RPAP2: variants seen among roughly 807,000 people sequenced by gnomAD.
RPAP2 encodes putative RNA polymerase II subunit B1 CTD phosphatase RPAP2.
RPAP2 carries 52 observed loss-of-function variants against 73.1 expected under a neutral mutation model. The observed-to-expected ratio is 0.71, with a 90% CI of 0.57 to 0.90. RPAP2 has a LOEUF of 0.90. Ranked by LOEUF, RPAP2 falls within the 40% of genes least tolerant of loss-of-function variation. The pLI, the probability that RPAP2 is intolerant of heterozygous loss-of-function variation, is 0.00. For missense variants in RPAP2, 598 were observed against 701.8 expected (o/e 0.85, Z 1.67); for synonymous variants, 225 against 242.1 (o/e 0.93, Z 0.65).
chr1:92,346,184 G>A (rs1457166326), intron 11 of RPAP2, among the ~76,000 whole-genome samples: 1 of 145,038 alleles, frequency 6.9e-6, no homozygotes, highest in Non-Finnish European at 1.5e-5. Flanking sequence ...TTTTTTTTGA[G>A]ACAGGGTCTC....
At chr1:92,360,293 G>A (rs7512045) in intron 11 of RPAP2, among the ~76,000 whole-genome samples, 7,346 of 152,236 alleles carry the variant, frequency 0.048, 609 homozygotes, top group African/African-American at 0.17. Flanking sequence ...TGGCAATTAG[G>A]TGGTGTGGGT....
chr1:92,381,951 G>T (rs1248723004), intron 12 of RPAP2, among the ~76,000 whole-genome samples: 1 of 138,560 alleles, frequency 7.2e-6, no homozygotes, highest in Admixed American at 7.8e-5. Context: ...CCCGGTGTGT[G>T]ATGTTCCCCT....
intron 2 of RPAP2, 21 bp from the exon 3 acceptor site, chr1:92,301,455 A>C (rs1403128908): frequency 1.5e-6 from 2 of 1,310,888 alleles, no homozygotes; most frequent in Non-Finnish European, 2.2e-6. Context: ...AAGTAGATTA[A>C]GTTTCTCTTT....
intron 10 of RPAP2, 136 bp downstream of exon 10, chr1:92,336,563 C>T (rs2101247339): frequency 1.6e-6 from 1 of 606,300 alleles, no homozygotes; most frequent in Non-Finnish European, 2.9e-6. Context: ...CTATTTTCTC[C>T]TCCACTAAAC....
chr1:92,341,188 T>C (rs1422392735), intron 10 of RPAP2, among the ~76,000 whole-genome samples: 1 of 152,050 alleles, frequency 6.6e-6, no homozygotes, highest in Admixed American at 6.5e-5. Context: ...TTTGTATTTT[T>C]TGTAGAGACG....
chr1:92,312,590 GCT>G (rs1411074442), intron 6 of RPAP2, among the ~76,000 whole-genome samples: 1 of 152,168 alleles, frequency 6.6e-6, no homozygotes, highest in African/African-American at 2.4e-5. Flanking sequence ...ATAAGAAGCA[GCT>G]GTATATCCGT....
At chr1:92,334,072 G>A (rs994275679) in intron 9 of RPAP2, among the ~76,000 whole-genome samples, 5 of 152,088 alleles carry the variant, frequency 3.3e-5, no homozygotes, top group African/African-American at 9.7e-5. Context: ...AGAGGTATGA[G>A]GGCTGTGTTG....
intron 11 of RPAP2, among the ~76,000 whole-genome samples, chr1:92,358,130 T>G (rs1451272794): frequency 6.6e-6 from 1 of 152,194 alleles, no homozygotes; most frequent in Non-Finnish European, 1.5e-5. Context: ...TGATACTATC[T>G]TCCACCTTGC....
At chr1:92,356,805 GT>G (rs1048186091) in intron 11 of RPAP2, among the ~76,000 whole-genome samples, 2 of 151,584 alleles carry the variant, frequency 1.3e-5, no homozygotes, top group African/African-American at 4.8e-5. Context: ...GCTCACACCT[GT>G]AATCCCAGCA....
At chr1:92,342,804 C>T (rs1653672499) in intron 10 of RPAP2, among the ~76,000 whole-genome samples, 1 of 152,054 alleles carries the variant, frequency 6.6e-6, no homozygotes, top group South Asian at 2.1e-4. Flanking sequence ...GCCTGAGCAA[C>T]TGGATTCTGG....
intron 1 of RPAP2, among the ~76,000 whole-genome samples, chr1:92,299,684 C>T (rs150411457): frequency 3.8e-4 from 58 of 152,212 alleles, no homozygotes; most frequent in African/African-American, 1.3e-3. Flanking sequence ...ACATTTTAAC[C>T]AAGAAAAATT....
chr1:92,333,144 AG>A, intron 8 of RPAP2: 1 of 426,784 alleles, frequency 2.3e-6, no homozygotes, highest in South Asian at 4.9e-5. Context: ...TTAATAAAGG[AG>A]GTATTAATAT....
intron 10 of RPAP2, among the ~76,000 whole-genome samples, chr1:92,341,487 A>G (rs1158573861): frequency 6.6e-6 from 1 of 152,156 alleles, no homozygotes; most frequent in Non-Finnish European, 1.5e-5. Context: ...AAGTACTTTG[A>G]AATGAAATGA....
intron 11 of RPAP2, among the ~76,000 whole-genome samples, chr1:92,361,144 C>T (rs1654716528): frequency 6.7e-6 from 1 of 149,988 alleles, no homozygotes; most frequent in Non-Finnish European, 1.5e-5. Flanking sequence ...CACACATAAA[C>T]ACACACACAC....
intron 11 of RPAP2, among the ~76,000 whole-genome samples, chr1:92,377,570 G>A (rs930530996): frequency 6.6e-6 from 1 of 151,146 alleles, no homozygotes; most frequent in African/African-American, 2.4e-5. Flanking sequence ...GTTCCTCTAG[G>A]GCTTGTAGTT....
chr1:92,322,569 C>CAAAAAAT (rs1553151048), intron 7 of RPAP2, among the ~76,000 whole-genome samples: 2 of 149,934 alleles, frequency 1.3e-5, no homozygotes, highest in Admixed American at 6.6e-5. Flanking sequence ...AAATAAAATA[C>CAAAAAAT]AAAAAATAAA....
rs991296183 is a variant in RPAP2 at position 92,393,827 on chromosome 1, T to G, written c.*6816T>G. On this transcript the variant is annotated 3_prime_UTR_variant, in exon 13 of 13. Coordinates refer to ENST00000610020, the MANE Select transcript of RPAP2 (RefSeq NM_024813.3). ...GCGATCATTAAAAATCAGGAAACAATAGATGCTGGAGAGGTTGTGGAAAAA... is the reference window on the plus strand; with the variant it reads ...GCGATCATTAAAAATCAGGAAACAAGAGATGCTGGAGAGGTTGTGGAAAAA... The G allele has an allele frequency of 2.0e-5, 3 of 151,928 alleles. No homozygotes were observed. The highest frequency in any genetic ancestry group is 7.2e-5 in the African/African-American group (3 of 41,388). The allele number at this position is 151,928 out of a possible 1,614,324, so 9.4% of individuals were successfully genotyped here. A position where few individuals can be genotyped will look rare whatever the true frequency, so the allele number is the denominator to read the frequency against.
rs1358028878 is a variant in RPAP2 at position 92,400,487 on chromosome 1, TA to T, written c.*13477del. On this transcript the variant is annotated 3_prime_UTR_variant, in exon 13 of 13. Coordinates refer to ENST00000610020, the MANE Select transcript of RPAP2 (RefSeq NM_024813.3). ...GGCACGTACCACCATACCCAGCTAA[TA>T]TTTTTTTTAATTTTATATTTTTTAG... The T allele has an allele frequency of 6.6e-6, 1 of 152,122 alleles. No individual in the cohort carries two copies. The highest frequency in any genetic ancestry group is 2.4e-5 in the African/African-American group (1 of 41,414). The allele number at this position is 152,122 out of a possible 1,614,324, so 9.4% of individuals were successfully genotyped here.
intron 5 of RPAP2, among the ~76,000 whole-genome samples, chr1:92,305,574 A>G (rs1462584580): frequency 2.0e-5 from 3 of 151,882 alleles, no homozygotes; most frequent in Non-Finnish European, 4.4e-5. Flanking sequence ...TTTGTTCATC[A>G]GAAGTTTCAA....
Sources: allele counts gnomAD v4.1 joint callset (sites outside exome capture counted in the v4.1 genomes callset), GRCh38; gene constraint gnomAD v4.1.1; transcripts MANE v1.5; gene names NCBI Gene and HGNC (gene_info 2026-07-23, HGNC 2026-07-21).